Variants in ST8SIA5 observed in about 807,000 individuals in gnomAD.
ST8SIA5 encodes ST8 alpha-N-acetyl-neuraminide alpha-2,8-sialyltransferase 5, also known as alpha-2,8-sialyltransferase 8E.
A neutral mutation model predicts 40.2 loss-of-function variants in ST8SIA5; 24 were observed. That is an observed-to-expected ratio of 0.60 (90% CI 0.43 to 0.84). The LOEUF (loss-of-function observed/expected upper bound fraction) is 0.84, where lower values mean the gene tolerates loss of function less well. Ranked by LOEUF, ST8SIA5 falls within the 40% of genes least tolerant of loss-of-function variation. The pLI, the probability that ST8SIA5 is intolerant of heterozygous loss-of-function variation, is 0.00. For synonymous variants in ST8SIA5, 198 were observed against 201.8 expected (o/e 0.98, Z 0.16); for missense variants, 465 against 498.5 (o/e 0.93, Z 0.64).
At chr18:46,717,412 C>T (rs1221554283) in intron 1 of ST8SIA5, among the ~76,000 whole-genome samples, 1 of 152,098 alleles carries the variant, frequency 6.6e-6, no homozygotes, top group African/African-American at 2.4e-5. Context: ...CTCAGCTCAC[C>T]ACAACCTCTG....
intron 1 of ST8SIA5, among the ~76,000 whole-genome samples, chr18:46,747,164 G>T (rs1228578825): frequency 6.6e-6 from 1 of 152,128 alleles, no homozygotes; most frequent in Non-Finnish European, 1.5e-5. Context: ...GCCTGGGCAA[G>T]GACTTCATGA....
At chr18:46,709,131 A>G (rs1358232323) in intron 1 of ST8SIA5, among the ~76,000 whole-genome samples, 1 of 152,186 alleles carries the variant, frequency 6.6e-6, no homozygotes, top group East Asian at 1.9e-4. Context: ...CTGTATCCCC[A>G]ATACAAACAT....
At chr18:46,744,754 G>A (rs954261363) in intron 1 of ST8SIA5, among the ~76,000 whole-genome samples, 4 of 152,136 alleles carry the variant, frequency 2.6e-5, no homozygotes, top group Non-Finnish European at 5.9e-5. Context: ...TAAATCAACA[G>A]AATATACATT....
intron 2 of ST8SIA5, among the ~76,000 whole-genome samples, chr18:46,695,892 CA>C (rs1555694433): frequency 6.6e-6 from 1 of 152,170 alleles, no homozygotes; most frequent in Non-Finnish European, 1.5e-5. Context: ...CAGTAGTGAA[CA>C]AAACAACCCC....
At chr18:46,754,608 G>A (rs1357607149) in intron 1 of ST8SIA5, among the ~76,000 whole-genome samples, 3 of 152,208 alleles carry the variant, frequency 2.0e-5, no homozygotes, top group South Asian at 4.1e-4. Context: ...GCATCTATGC[G>A]ATTCAGGGGG....
intron 2 of ST8SIA5, among the ~76,000 whole-genome samples, chr18:46,694,713 G>T (rs1045790660): frequency 6.6e-6 from 1 of 152,040 alleles, no homozygotes; most frequent in South Asian, 2.1e-4. Context: ...TCCACTGAAG[G>T]GCTAAAGGAA....
intron 1 of ST8SIA5, among the ~76,000 whole-genome samples, chr18:46,727,896 C>T (rs979712039): frequency 9.2e-5 from 14 of 152,106 alleles, no homozygotes; most frequent in African/African-American, 2.7e-4. Context: ...TGTTTAATGA[C>T]GAAGTCTATA....
intron 1 of ST8SIA5, among the ~76,000 whole-genome samples, chr18:46,725,970 AAAATATATATATATATAT>A (rs1462810320): frequency 6.3e-5 from 2 of 31,810 alleles, no homozygotes; most frequent in African/African-American, 1.5e-4. Flanking sequence ...AAAAAAAAAA[AAAATATATATATATATAT>A]ATATATATAT....
At chr18:46,687,624 C>T (rs2039460864) in intron 4 of ST8SIA5, among the ~76,000 whole-genome samples, 1 of 152,144 alleles carries the variant, frequency 6.6e-6, no homozygotes, top group Non-Finnish European at 1.5e-5. Context: ...ATTGAGAACA[C>T]ATTTGACGCC....
chr18:46,716,307 A>C (rs2039791098), intron 1 of ST8SIA5, among the ~76,000 whole-genome samples: 1 of 152,022 alleles, frequency 6.6e-6, no homozygotes, highest in Admixed American at 6.6e-5. Context: ...GGCCCCAGAC[A>C]CTCACTTGGC....
intron 2 of ST8SIA5, among the ~76,000 whole-genome samples, chr18:46,702,150 A>AG (rs1251833399): frequency 6.6e-6 from 1 of 151,554 alleles, no homozygotes; most frequent in African/African-American, 2.4e-5. Context: ...CCATCTCAAA[A>AG]AAAAAAAAAA....
chr18:46,707,516 C>T (rs1025820539), intron 1 of ST8SIA5, among the ~76,000 whole-genome samples: 3 of 152,194 alleles, frequency 2.0e-5, no homozygotes, highest in African/African-American at 4.8e-5. Flanking sequence ...GCATCCTCAA[C>T]ATCACTCATA....
At chr18:46,707,883 C>A (rs1474347177) in intron 1 of ST8SIA5, among the ~76,000 whole-genome samples, 3 of 152,180 alleles carry the variant, frequency 2.0e-5, no homozygotes. Context: ...ACTTAATCTG[C>A]CTTGATCTTG....
Position 46,680,402 on chromosome 18 carries a change from C to G in ST8SIA5, c.771G>C (p.Val257=). Residue 257 remains valine (V), a synonymous_variant, in exon 7 of 7, where the codon GTG becomes GTC. Transcript: ENST00000315087. ...CCAGCACGTACTTGACGCGGATGGA[C>G]ACGTCGGTGTTGCGCGTGTTGTAGA... ...PAFYNTRNTD[V]SIRVKYVLDD... 6.2e-7 allele frequency: 1 copy of G among 1,613,780 alleles called. No individual in the cohort carries two copies. Among genetic ancestry groups the G allele is most frequent in the East Asian group, 2.2e-5 (1 of 44,862 alleles).
Position 46,686,240 on chromosome 18 carries a change from C to A in ST8SIA5, c.503G>T (p.Gly168Val). ...RSQFKKCAVV[G>V]NGGILKNSRC... ...GCTGTTCTTCAAGATGCCTCCGTTG[C>A]CCACTACAGCACACTTCTTAAACTG... The change falls in exon 5 of 7, where the codon GGC (glycine) becomes GTC (valine). Residue 168 changes from glycine to valine, a missense_variant. Transcript: ENST00000315087. 3 of 1,614,132 alleles carry A rather than the reference C, an allele frequency of 1.9e-6. No individual in the cohort carries two copies. Among genetic ancestry groups the A allele is most frequent in the Non-Finnish European group, 2.5e-6 (3 of 1,180,026 alleles).
intron 2 of ST8SIA5, among the ~76,000 whole-genome samples, chr18:46,696,951 G>A (rs2039562294): frequency 6.6e-6 from 1 of 152,064 alleles, no homozygotes; most frequent in Non-Finnish European, 1.5e-5. Flanking sequence ...ATTCTAAGAG[G>A]TGGGTGGAGG....
intron 1 of ST8SIA5, among the ~76,000 whole-genome samples, chr18:46,729,956 A>G (rs1329294883): frequency 6.6e-6 from 1 of 152,174 alleles, no homozygotes; most frequent in Non-Finnish European, 1.5e-5. Flanking sequence ...TAAGAACTGC[A>G]GCACTAATCC....
At position 46,686,266 on chromosome 18, in the gene ST8SIA5, G is replaced by A. The variant is rs2144468843; in HGVS notation, c.477C>T (p.Ser159=). 1 of 1,614,118 alleles carries A rather than the reference G, an allele frequency of 6.2e-7. No individual in the cohort carries two copies. Among genetic ancestry groups the A allele is most frequent in the Non-Finnish European group, 8.5e-7 (1 of 1,180,022 alleles). ...CCACTACAGCACACTTCTTAAACTG[G>A]GACCGGTAGTAGGGCATGTCCTGGG... ...MFPKDMPYYR[S]QFKKCAVVGN... Residue 159 remains serine (S), a synonymous_variant, in exon 5 of 7, where the codon TCC becomes TCT. Transcript: ENST00000315087.
At chr18:46,685,928 T>A (rs1259122570) in intron 5 of ST8SIA5, 3 of 516,054 alleles carry the variant, frequency 5.8e-6, no homozygotes, top group Non-Finnish European at 7.0e-6. Flanking sequence ...TGCCTTCAAA[T>A]CTGTGATGTC....
Sources: allele counts gnomAD v4.1 joint callset (sites outside exome capture counted in the v4.1 genomes callset), GRCh38; gene constraint gnomAD v4.1.1; transcripts MANE v1.5; gene names NCBI Gene and HGNC (gene_info 2026-07-23, HGNC 2026-07-21).